The following ATL3 variants were observed in gnomAD, a reference collection of about 807,000 sequenced individuals.
The protein encoded by ATL3 is atlastin GTPase 3.
A neutral mutation model predicts 69.5 loss-of-function variants in ATL3; 49 were observed. The ratio of observed to expected loss-of-function variants is 0.71; its 90% CI spans 0.56 to 0.89. The LOEUF is 0.89. ATL3 is among the 40% of genes least tolerant of loss of function. The pLI, the probability that ATL3 is intolerant of heterozygous loss-of-function variation, is 0.00. For synonymous variants in ATL3, 214 were observed against 224.1 expected, an observed-to-expected ratio of 0.95 and a Z score of 0.40; for missense variants, 606 against 645.7, an observed-to-expected ratio of 0.94 and a Z score of 0.67.
At chr11:63,634,506 CAA>C (rs879349075) in intron 10 of ATL3, among the ~76,000 whole-genome samples, 2 of 135,756 alleles carry the variant, frequency 1.5e-5, no homozygotes, top group African/African-American at 2.7e-5. Flanking sequence ...GATTCCACCT[CAA>C]AAAAAAAAAG....
At chr11:63,669,251 T>C (rs1940694673) in intron 1 of ATL3, among the ~76,000 whole-genome samples, 2 of 152,038 alleles carry the variant, frequency 1.3e-5, no homozygotes, top group South Asian at 2.1e-4. Flanking sequence ...ACCACGCAAC[T>C]GGGCCAGGCG....
intron 12 of ATL3, among the ~76,000 whole-genome samples, chr11:63,630,321 G>T (rs975823760): frequency 2.0e-5 from 3 of 151,358 alleles, no homozygotes; most frequent in Non-Finnish European, 2.9e-5. Context: ...GCTACTCTTG[G>T]GAGGCTGAGG....
At chr11:63,658,146 G>T (rs1236118942) in intron 3 of ATL3, among the ~76,000 whole-genome samples, 2 of 152,146 alleles carry the variant, frequency 1.3e-5, no homozygotes, top group Non-Finnish European at 2.9e-5. Flanking sequence ...GTGAGCCACA[G>T]CACCCGGCTG....
intron 12 of ATL3, among the ~76,000 whole-genome samples, 176 bp from the exon 13 acceptor site, chr11:63,629,581 AG>A (rs1939238141): frequency 6.6e-6 from 1 of 152,252 alleles, no homozygotes; most frequent in African/African-American, 2.4e-5. Context: ...CAAGAGAGCC[AG>A]GGGAACATCT....
At chr11:63,630,448 A>AG (rs146329136) in intron 12 of ATL3, among the ~76,000 whole-genome samples, 24,437 of 132,542 alleles carry the variant, frequency 0.18, 3,740 homozygotes, top group East Asian at 0.75. Context: ...AAAAAAAAAA[A>AG]GTTGCCAAAG....
chr11:63,648,279 C>T (rs1191541019), intron 5 of ATL3, among the ~76,000 whole-genome samples: 1 of 152,158 alleles, frequency 6.6e-6, no homozygotes, highest in East Asian at 1.9e-4. Flanking sequence ...CAAGCTTCTA[C>T]CCACCAAGGC....
At chr11:63,640,426 C>T (rs1018929533) in intron 8 of ATL3, among the ~76,000 whole-genome samples, 2 of 151,144 alleles carry the variant, frequency 1.3e-5, no homozygotes, top group African/African-American at 4.9e-5. Flanking sequence ...TAGCTGGGAC[C>T]ACAGGGGTGT....
intron 8 of ATL3, among the ~76,000 whole-genome samples, chr11:63,639,776 T>C (rs1011571228): frequency 9.9e-5 from 15 of 152,056 alleles, no homozygotes; most frequent in African/African-American, 3.4e-4. Context: ...AATAAATACA[T>C]ACATACATAC....
At chr11:63,660,344 G>A (rs1216193805) in intron 1 of ATL3, among the ~76,000 whole-genome samples, 3 of 151,990 alleles carry the variant, frequency 2.0e-5, no homozygotes, top group African/African-American at 7.3e-5. Context: ...TACTTAACAG[G>A]GAAATCTAAA....
Position 63,644,221 on chromosome 11 carries a change from T to G in ATL3, c.659A>C (p.Glu220Ala). The G allele has an allele frequency of 6.2e-7, 1 of 1,611,840 alleles. No homozygotes were observed. The highest frequency in any genetic ancestry group is 8.5e-7 in the Non-Finnish European group (1 of 1,179,062). The change falls in exon 7 of 13, where the codon GAA becomes GCA. Residue 220 changes from glutamate to alanine, a missense_variant. By Grantham distance (107) the Glu-to-Ala change is moderately radical (BLOSUM62 -1). Transcript: ENST00000398868. ...TCCTCCTTGGAGTCCATAGCTATAT[T>G]CATAAGGGAAACTCCAATCTCTAAC... ...FLVRDWSFPYEYSYGLQGGMA... is the reference protein window; with the variant it reads ...FLVRDWSFPYAYSYGLQGGMA...
At chr11:63,667,283 A>C (rs1221759740) in intron 1 of ATL3, among the ~76,000 whole-genome samples, 1 of 152,166 alleles carries the variant, frequency 6.6e-6, no homozygotes, top group Non-Finnish European at 1.5e-5. Context: ...TCTATCACTC[A>C]TCAGTTCAAG....
At chr11:63,660,966 C>G (rs548212028) in intron 1 of ATL3, among the ~76,000 whole-genome samples, 1 of 151,878 alleles carries the variant, frequency 6.6e-6, no homozygotes, top group South Asian at 2.1e-4. Context: ...ACAATCTCAG[C>G]ACTTTGGGAG....
intron 12 of ATL3, among the ~76,000 whole-genome samples, chr11:63,630,825 G>A (rs979305962): frequency 5.9e-5 from 9 of 151,498 alleles, no homozygotes; most frequent in African/African-American, 1.7e-4. Context: ...AAAGCGGGGC[G>A]GGGGCCTTTT....
At chr11:63,646,283 T>A (rs1939877986) in intron 6 of ATL3, among the ~76,000 whole-genome samples, 1 of 152,226 alleles carries the variant, frequency 6.6e-6, no homozygotes, top group Admixed American at 6.5e-5. Flanking sequence ...TGTGTTACAC[T>A]AAAATTTTAC....
In ATL3 at chr11:63,643,434, G is replaced by C; in HGVS notation, c.773C>G (p.Ser258Cys). ...NVRNHIHSCFSDVTCFLLPHP... is the reference protein window; with the variant it reads ...NVRNHIHSCFCDVTCFLLPHP... ...TGGTAAGAGAAAGCAGGTGACATCGGAGAAACATGAGTGAATGTGATTTCG... is the reference window on the plus strand; with the variant it reads ...TGGTAAGAGAAAGCAGGTGACATCGCAGAAACATGAGTGAATGTGATTTCG... The change falls in exon 8 of 13, where the codon TCC becomes TGC. Residue 258 changes from serine (S) to cysteine (C), a missense_variant. By Grantham distance (112) the Ser-to-Cys change is moderately radical. Coordinates refer to ENST00000398868, the MANE Select transcript of ATL3 (RefSeq NM_015459.5). 1 of 1,612,818 alleles carries C rather than the reference G, an allele frequency of 6.2e-7. No individual in the cohort carries two copies. Among genetic ancestry groups the C allele is most frequent in the Non-Finnish European group, 8.5e-7 (1 of 1,179,430 alleles).
chr11:63,659,133 G>A lies in ATL3; in HGVS notation c.166C>T (p.Arg56Ter), dbSNP rs527298351. 15 of 1,613,980 alleles carry A rather than the reference G, an allele frequency of 9.3e-6. No homozygotes were observed. The Admixed American group carries it at 1.2e-4, about 13-fold the overall frequency. Reference protein sequence around the residue: ...LASILLQDHIRDLDVVVVSVA... With the variant: ...LASILLQDHI ...GAAACCACCACCACATCAAGATCTC[G>A]GATGTGGTCCTGCAAGAGGATGCTG... The change falls in exon 2 of 13, where the codon CGA (arginine) becomes TGA (stop). Residue 56 changes from arginine to a stop codon, truncating the protein, a stop_gained. Transcript: ENST00000398868. LOFTEE classifies it high-confidence loss of function.
chr11:63,642,908 C>T (rs956310109), intron 8 of ATL3, among the ~76,000 whole-genome samples: 1 of 152,218 alleles, frequency 6.6e-6, no homozygotes, highest in African/African-American at 2.4e-5. Flanking sequence ...ACTACGATTC[C>T]TCTCACCTAC....
At chr11:63,653,607 G>T (rs911572068) in intron 3 of ATL3, among the ~76,000 whole-genome samples, 4 of 152,132 alleles carry the variant, frequency 2.6e-5, no homozygotes, top group African/African-American at 9.7e-5. Flanking sequence ...CCTTCAACAG[G>T]CAAATGGATG....
intron 1 of ATL3, among the ~76,000 whole-genome samples, chr11:63,666,973 A>G (rs534255517): frequency 5.3e-5 from 8 of 152,368 alleles, no homozygotes; most frequent in African/African-American, 1.9e-4. Context: ...AATTTACAAC[A>G]TATGTTTAAA....
Sources: gnomAD v4.1 joint callset for allele counts (sites outside exome capture counted in the v4.1 genomes callset) on GRCh38, gnomAD v4.1.1 for gene constraint, MANE v1.5 for transcripts, NCBI Gene and HGNC (gene_info 2026-07-23, HGNC 2026-07-21) for gene names.